The following IPO5 variants were observed in gnomAD, a reference collection of about 807,000 sequenced individuals.
IPO5 encodes the protein importin 5.
IPO5 carries 18 observed loss-of-function variants against 143.3 expected under a neutral mutation model. The observed-to-expected ratio is 0.13, with a 90% CI of 0.09 to 0.19. IPO5 has a LOEUF of 0.19. Among genes scored for constraint, IPO5 ranks in the 10% least tolerant of loss-of-function variants. The pLI, the probability that IPO5 is intolerant of heterozygous loss-of-function variation, is 1.00. For synonymous variants in IPO5, 477 were observed against 465.7 expected, an observed-to-expected ratio of 1.02 and a Z score of -0.31; for missense variants, 1,013 against 1,336.9, an observed-to-expected ratio of 0.76 and a Z score of 3.78.
At chr13:97,991,545 A>G (rs1365084761) in intron 9 of IPO5, among the ~76,000 whole-genome samples, 1 of 152,200 alleles carries the variant, frequency 6.6e-6, no homozygotes, top group Non-Finnish European at 1.5e-5. Flanking sequence ...AATCTTTTCA[A>G]ATTTTGAAAC....
rs59658983 is a variant in IPO5, at chr13:98,012,801, AT to A, written c.2152+485del. 9.6e-3 allele frequency among the ~76,000 whole-genome samples: 1,048 copies of A among 109,110 alleles called. 16 individuals carry two copies. The highest frequency in any genetic ancestry group is 0.024 in the African/African-American group (712 of 29,598). 71.6% of individuals were successfully genotyped at this position (109,110 alleles called of 152,430 possible). ...ACAACACCAAGCCCAGCTAGATTTG[AT>A]TTTTTTTTTTTTTTTTTTTTTTTTT... On this transcript the variant is annotated intron_variant, in intron 21 of 28. Coordinates refer to ENST00000651721, the MANE Select transcript of IPO5 (RefSeq NM_002271.6).
At chr13:97,954,272 A>G (rs1191018718) in intron 2 of IPO5, 74 bp downstream of exon 2, 2 of 153,536 alleles carry the variant, frequency 1.3e-5, no homozygotes, top group African/African-American at 4.8e-5. Context: ...CTTTAAAACA[A>G]AAAGCTCCTG....
chr13:97,973,500 G>A (rs954722111), intron 3 of IPO5, among the ~76,000 whole-genome samples: 1 of 152,204 alleles, frequency 6.6e-6, no homozygotes, highest in African/African-American at 2.4e-5. Context: ...TCCCCACTTA[G>A]GAGGTTTTCT....
At chr13:97,994,532 A>G (rs556218015) in intron 11 of IPO5, among the ~76,000 whole-genome samples, 2 of 152,350 alleles carry the variant, frequency 1.3e-5, no homozygotes, top group African/African-American at 4.8e-5. Flanking sequence ...AAAGATGTAC[A>G]AGACATATGG....
At position 98,006,227 on chromosome 13, in the gene IPO5, A is replaced by G. The variant is rs1889227918; in HGVS notation, c.1595A>G (p.Asp532Gly). Residue 532 changes from aspartate to glycine, a missense_variant, in exon 17 of 29, where the codon GAT (aspartate) becomes GGT (glycine). By Grantham distance (94) the Asp-to-Gly change is moderately conservative. Transcript: ENST00000651721. Reference sequence around the variant, plus strand: ...GAAGAAAAATTTGTCCCCTACTATGATTTATTTATGCCATCACTGAAGCAC... The same window carrying G: ...GAAGAAAAATTTGTCCCCTACTATGGTTTATTTATGCCATCACTGAAGCAC... ...TAEEKFVPYYDLFMPSLKHIV... is the reference protein window; with the variant it reads ...TAEEKFVPYYGLFMPSLKHIV... 1.9e-6 allele frequency: 3 copies of G among 1,613,614 alleles called. No individual in the cohort carries two copies. The highest frequency in any genetic ancestry group is 2.5e-6 in the Non-Finnish European group (3 of 1,179,730).
intron 11 of IPO5, among the ~76,000 whole-genome samples, 191 bp from the exon 12 acceptor site, chr13:97,997,340 T>G (rs1337811708): frequency 2.6e-5 from 4 of 152,052 alleles, no homozygotes; most frequent in African/African-American, 9.6e-5. Context: ...AATGTTGCTT[T>G]TTAAAGAAAC....
At chr13:97,982,648 T>C in intron 5 of IPO5, 65 bp downstream of exon 5, 2 of 1,020,296 alleles carry the variant, frequency 2.0e-6, no homozygotes, top group Non-Finnish European at 3.0e-6. Context: ...ATGATCATAG[T>C]AGAAATTAGA....
In IPO5 at chr13:97,995,271, G is replaced by A. The variant is rs560037048; in HGVS notation, c.913+2046G>A. On this transcript the variant is annotated intron_variant, in intron 11 of 28. Transcript: ENST00000651721. ...TCTGTGATTTTGGTGCACCCATTAC[G>A]GGAGCAGTGTACACTGTACCCATTG... Among the ~76,000 whole-genome samples, 11 of 150,356 alleles carry A rather than the reference G, an allele frequency of 7.3e-5. No homozygotes were observed. The South Asian group carries it at 1.7e-3, about 23-fold the overall frequency.
intron 21 of IPO5, 143 bp downstream of exon 21, chr13:98,012,485 G>T: frequency 1.7e-6 from 1 of 601,862 alleles, no homozygotes; most frequent in East Asian, 2.8e-5. Flanking sequence ...GATAAACTCG[G>T]TTCTCTGCAT....
chr13:97,960,191 T>C (rs1465735666), intron 2 of IPO5: 1 of 152,194 alleles, frequency 6.6e-6, no homozygotes, highest in East Asian at 1.9e-4. Context: ...CAGACTCCAT[T>C]ATGTATGTCC....
At chr13:97,981,489 T>C in intron 4 of IPO5, 1 of 264,396 alleles carries the variant, frequency 3.8e-6, no homozygotes, top group East Asian at 1.3e-4. Context: ...TTAAGCTAGA[T>C]GTGGATTCAA....
At chr13:98,004,924 G>T (rs1353722764) in intron 16 of IPO5, among the ~76,000 whole-genome samples, 3 of 151,548 alleles carry the variant, frequency 2.0e-5, no homozygotes, top group African/African-American at 4.9e-5. Flanking sequence ...TTTATTTTGA[G>T]ATGGAGTCTC....
intron 2 of IPO5, among the ~76,000 whole-genome samples, chr13:97,968,911 AC>A (rs1253668785): frequency 6.7e-6 from 1 of 149,120 alleles, no homozygotes; most frequent in Non-Finnish European, 1.5e-5. Context: ...CTGGTCTTGA[AC>A]TCCCGACCTC....
At chr13:97,978,545 G>A (rs1886581709) in intron 4 of IPO5, among the ~76,000 whole-genome samples, 1 of 151,936 alleles carries the variant, frequency 6.6e-6, no homozygotes, top group Non-Finnish European at 1.5e-5. Flanking sequence ...TATTGCACCA[G>A]TTTGCCTTGG....
intron 11 of IPO5, among the ~76,000 whole-genome samples, chr13:97,993,525 A>G (rs1383344391): frequency 6.6e-6 from 1 of 152,200 alleles, no homozygotes; most frequent in Admixed American, 6.5e-5. Flanking sequence ...AGTCAAAAAC[A>G]ATTCAGCGGG....
chr13:98,007,164 A>G (rs1213022582), intron 17 of IPO5, among the ~76,000 whole-genome samples: 1 of 151,986 alleles, frequency 6.6e-6, no homozygotes, highest in Non-Finnish European at 1.5e-5. Context: ...CATTGTTAAT[A>G]TTAAGGTTTC....
chr13:97,981,453 A>T, intron 4 of IPO5: 1 of 300,672 alleles, frequency 3.3e-6, no homozygotes, highest in South Asian at 2.8e-5. Context: ...TATCTCATGG[A>T]TGCCATGGGG....
intron 2 of IPO5, among the ~76,000 whole-genome samples, chr13:97,956,096 C>A (rs1418356051): frequency 6.7e-6 from 1 of 148,830 alleles, no homozygotes; most frequent in East Asian, 2.0e-4. Flanking sequence ...CGCGCCACTG[C>A]ACTCCAGCCT....
intron 3 of IPO5, among the ~76,000 whole-genome samples, chr13:97,972,881 C>T (rs994195640): frequency 7.2e-5 from 11 of 152,002 alleles, no homozygotes; most frequent in African/African-American, 2.7e-4. Context: ...ATTAAGCACT[C>T]AAGGTTACAC....
Sources: gnomAD v4.1 joint callset for allele counts (sites outside exome capture counted in the v4.1 genomes callset) on GRCh38, gnomAD v4.1.1 for gene constraint, MANE v1.5 for transcripts, NCBI Gene and HGNC (gene_info 2026-07-23, HGNC 2026-07-21) for gene names.